EIF2B3: variants seen among roughly 807,000 people sequenced by gnomAD.
EIF2B3 encodes translation initiation factor eIF2B subunit gamma.
In EIF2B3, 20 loss-of-function variants were observed where a neutral mutation model predicts 54.1. The ratio of observed to expected loss-of-function variants is 0.37; its 90% CI spans 0.26 to 0.54. The LOEUF is 0.54. Ranked by LOEUF, EIF2B3 falls within the 20% of genes least tolerant of loss-of-function variation. The pLI is 0.86. For synonymous variants in EIF2B3, 153 were observed against 188.1 expected (o/e 0.81, Z 1.52); for missense variants, 448 against 547.8 (o/e 0.82, Z 1.82).
Position 44,952,225 on chromosome 1 carries a change from A to C in EIF2B3, c.295-10560T>G, listed in dbSNP as rs954445367. 3.4e-4 allele frequency among the ~76,000 whole-genome samples: 40 copies of C among 116,364 alleles called. 4 individuals carry two copies. Among genetic ancestry groups the C allele is most frequent in the Middle Eastern group, 7.5e-3 (2 of 266 alleles). The allele number at this position is 116,364 out of a possible 152,430, so 76.3% of individuals were successfully genotyped here. On this transcript the variant is annotated intron_variant, in intron 3 of 11. Transcript: ENST00000360403. ...TGATCCGCCCGCCTCGGCCTCCCAA[A>C]GTGCTGGGATTACAGGCGTGAGCCA...
At chr1:44,942,413 ATATATTTTTTTTTTTT>A (rs1175374848) in intron 3 of EIF2B3, among the ~76,000 whole-genome samples, 1 of 10,458 alleles carries the variant, frequency 9.6e-5, no homozygotes, top group Non-Finnish European at 1.4e-4. Context: ...ATATATATAT[ATATATTTTTTTTTTTT>A]TTTTTTTTTT....
chr1:44,871,173 A>G (rs1654953619), intron 10 of EIF2B3, among the ~76,000 whole-genome samples: 2 of 152,152 alleles, frequency 1.3e-5, no homozygotes, highest in South Asian at 4.1e-4. Context: ...TCAAGCAACA[A>G]ATCTGTTTTT....
intron 10 of EIF2B3, 123 bp downstream of exon 10, chr1:44,874,555 A>T: frequency 9.9e-7 from 1 of 1,014,906 alleles, no homozygotes; most frequent in Non-Finnish European, 1.4e-6. Context: ...TTTTTATTCT[A>T]TTGCCCTCTT....
intron 3 of EIF2B3, among the ~76,000 whole-genome samples, chr1:44,966,554 C>T (rs1644343406): frequency 6.6e-6 from 1 of 151,260 alleles, no homozygotes; most frequent in Non-Finnish European, 1.5e-5. Context: ...CCAGAAAAGA[C>T]AGATAAAACG....
chr1:44,871,756 G>A (rs1017863049), intron 10 of EIF2B3, among the ~76,000 whole-genome samples: 1 of 152,136 alleles, frequency 6.6e-6, no homozygotes, highest in East Asian at 1.9e-4. Context: ...TGGTTAGTGG[G>A]ACAGATTATT....
At chr1:44,913,425 G>A (rs1008733492) in intron 5 of EIF2B3, among the ~76,000 whole-genome samples, 3 of 151,860 alleles carry the variant, frequency 2.0e-5, no homozygotes, top group Middle Eastern at 3.4e-3. Context: ...TATTCTTTAT[G>A]GAGAAAAAAA....
intron 4 of EIF2B3, among the ~76,000 whole-genome samples, chr1:44,936,137 C>T (rs576713421): frequency 6.6e-6 from 1 of 152,140 alleles, no homozygotes; most frequent in African/African-American, 2.4e-5. Context: ...GAGTTTAGAA[C>T]CCCATTTCCC....
chr1:44,981,200 T>C (rs766822673), intron 1 of EIF2B3, 23 bp from the exon 2 acceptor site: 25 of 1,612,332 alleles, frequency 1.6e-5, no homozygotes, highest in Non-Finnish European at 2.1e-5. Flanking sequence ...AAAAAACAAT[T>C]AACAGAAAAA....
At chr1:44,949,240 A>C (rs1238453600) in intron 3 of EIF2B3, among the ~76,000 whole-genome samples, 1 of 152,148 alleles carries the variant, frequency 6.6e-6, no homozygotes, top group Non-Finnish European at 1.5e-5. Context: ...TCTATTATAT[A>C]TTTATCCATC....
intron 10 of EIF2B3, among the ~76,000 whole-genome samples, chr1:44,871,360 G>A (rs1654958944): frequency 6.6e-6 from 1 of 152,044 alleles, no homozygotes; most frequent in Non-Finnish European, 1.5e-5. Context: ...ACCCTGTTCA[G>A]GCCAACCTTC....
At chr1:44,973,182 G>A (rs991001054) in intron 3 of EIF2B3, among the ~76,000 whole-genome samples, 6 of 152,182 alleles carry the variant, frequency 3.9e-5, no homozygotes, top group African/African-American at 1.4e-4. Flanking sequence ...ATATAATCCA[G>A]CAACTACATT....
chr1:44,877,192 T>TTTA (rs1553169362), intron 8 of EIF2B3, among the ~76,000 whole-genome samples: 1 of 52,056 alleles, frequency 1.9e-5, no homozygotes, highest in African/African-American at 8.9e-5. Flanking sequence ...GAATGATCAA[T>TTTA]AAAAAAAAAA....
At chr1:44,973,495 C>T (rs1344310416) in intron 3 of EIF2B3, among the ~76,000 whole-genome samples, 2 of 152,102 alleles carry the variant, frequency 1.3e-5, no homozygotes, top group African/African-American at 4.8e-5. Context: ...GCCAGACGTT[C>T]GAGACTAGCC....
chr1:44,899,757 CT>C (rs1206673690), intron 5 of EIF2B3, among the ~76,000 whole-genome samples: 2 of 152,176 alleles, frequency 1.3e-5, no homozygotes, highest in Non-Finnish European at 2.9e-5. Flanking sequence ...AGTTCAGCCA[CT>C]GTGGAAAGCA....
intron 3 of EIF2B3, chr1:44,958,803 G>A (rs1312326681): frequency 2.3e-6 from 3 of 1,279,316 alleles, no homozygotes; most frequent in Non-Finnish European, 2.3e-6. Flanking sequence ...ACTGCGACAA[G>A]AGATCGTGTT....
At chr1:44,907,428 C>T (rs1057464029) in intron 5 of EIF2B3, among the ~76,000 whole-genome samples, 24 of 152,082 alleles carry the variant, frequency 1.6e-4, no homozygotes, top group Admixed American at 9.8e-4. Flanking sequence ...CGTGGTGGGG[C>T]GTGCCTGTAA....
chr1:44,919,071 G>C lies in EIF2B3; in HGVS notation c.566+7557C>G, dbSNP rs150223006. Among the ~76,000 whole-genome samples, 104 of 152,258 alleles carry C rather than the reference G, an allele frequency of 6.8e-4. No homozygotes were observed. In the East Asian group the frequency reaches 0.018, roughly 27 times the overall value. On this transcript the variant is annotated intron_variant, in intron 5 of 11. Transcript: ENST00000360403. ...ATATTTAAATATTAGTTACAGGCCG[G>C]GCTCAGTGGCTAATGCCTGTAATCC...
chr1:44,958,096 T>TCAACCGG (rs1644246913), intron 3 of EIF2B3, among the ~76,000 whole-genome samples: 1 of 152,216 alleles, frequency 6.6e-6, no homozygotes, highest in East Asian at 1.9e-4. Flanking sequence ...TGACTTTTTT[T>TCAACCGG]CCTTTCCATT....
intron 1 of EIF2B3, among the ~76,000 whole-genome samples, chr1:44,986,220 A>T (rs779879650): frequency 2.2e-4 from 33 of 150,734 alleles, no homozygotes; most frequent in Middle Eastern, 3.4e-3. Context: ...GCTCACTGCA[A>T]CCTCCACCTC....
Sources: gnomAD v4.1 joint callset for allele counts (sites outside exome capture counted in the v4.1 genomes callset) on GRCh38, gnomAD v4.1.1 for gene constraint, MANE v1.5 for transcripts, NCBI Gene and HGNC (gene_info 2026-07-23, HGNC 2026-07-21) for gene names.